Variants in ZBTB2 observed in about 807,000 individuals in gnomAD.
The protein encoded by ZBTB2 is zinc finger and BTB domain containing 2, also known as zinc finger and BTB domain-containing protein 2.
A neutral mutation model predicts 39.5 loss-of-function variants in ZBTB2; 2 were observed. The observed-to-expected ratio is 0.05, with a 90% confidence interval of 0.02 to 0.16. The LOEUF is 0.16. Among genes scored for constraint, ZBTB2 ranks in the 10% least tolerant of loss-of-function variants. The pLI is 1.00. For synonymous variants in ZBTB2, 251 were observed against 256.6 expected, an observed-to-expected ratio of 0.98 and a Z score of 0.21; for missense variants, 391 against 653.0, an observed-to-expected ratio of 0.60 and a Z score of 4.37.
At chr6:151,368,271 A>C (rs962142686) in intron 2 of ZBTB2, among the ~76,000 whole-genome samples, 1 of 151,694 alleles carries the variant, frequency 6.6e-6, no homozygotes, top group Non-Finnish European at 1.5e-5. Context: ...CTCAGCCTCC[A>C]GAGTAGCTGG....
intron 2 of ZBTB2, among the ~76,000 whole-genome samples, chr6:151,368,349 C>G (rs534347660): frequency 6.6e-6 from 1 of 152,262 alleles, no homozygotes; most frequent in South Asian, 2.1e-4. Context: ...CGGGGTTTCA[C>G]CATGTTAGCC....
intron 1 of ZBTB2, among the ~76,000 whole-genome samples, chr6:151,387,459 T>A (rs1172323932): frequency 1.3e-5 from 2 of 152,156 alleles, no homozygotes; most frequent in Non-Finnish European, 2.9e-5. Flanking sequence ...TCCTGGGGCT[T>A]CAAAAGGATC....
chr6:151,372,354 A>C (rs891929823), intron 2 of ZBTB2, among the ~76,000 whole-genome samples: 4 of 152,112 alleles, frequency 2.6e-5, no homozygotes, highest in African/African-American at 9.7e-5. Context: ...ACTGATAGGA[A>C]GAGTGTGGGA....
chr6:151,387,632 C>T (rs1311720504), intron 1 of ZBTB2, among the ~76,000 whole-genome samples: 3 of 152,206 alleles, frequency 2.0e-5, no homozygotes, highest in Admixed American at 1.3e-4. Flanking sequence ...TTTAAGAGAA[C>T]AGTACACTAA....
At chr6:151,373,154 CAAAAAAAAAAAAAAAAAAAAA>C (rs58019601) in intron 2 of ZBTB2, among the ~76,000 whole-genome samples, 13 of 27,854 alleles carry the variant, frequency 4.7e-4, no homozygotes, top group South Asian at 4.5e-3. Context: ...GACTCCGTCT[CAAAAAAAAAAAAAAAAAAAAA>C]AAAAAAAAAA....
rs1318616942 is a variant in ZBTB2, at chr6:151,364,302, CCTT to C, written c.*1216_*1218del. ...TGGCTCCTGTTTTGTCTTGTGAGGCCCTTCTTTTATTGGCCTAACGGAAGATTA... is the reference window on the plus strand; with the variant it reads ...TGGCTCCTGTTTTGTCTTGTGAGGCCCTTTTATTGGCCTAACGGAAGATTA... On this transcript the variant is annotated 3_prime_UTR_variant, in exon 3 of 3. Transcript: ENST00000325144. 4.6e-5 allele frequency: 7 copies of C among 152,524 alleles called. No individual in the cohort carries two copies. Among genetic ancestry groups the C allele is most frequent in the African/African-American group, 1.7e-4 (7 of 41,490 alleles). The allele number at this position is 152,524 out of a possible 1,614,324, so 9.4% of individuals were successfully genotyped here. A position where few individuals can be genotyped will look rare whatever the true frequency, so the allele number is the denominator to read the frequency against.
intron 1 of ZBTB2, among the ~76,000 whole-genome samples, chr6:151,385,775 A>G (rs1779137196): frequency 6.6e-6 from 1 of 152,206 alleles, no homozygotes; most frequent in African/African-American, 2.4e-5. Context: ...CTGATTTTTC[A>G]ATTACTATTA....
chr6:151,368,289 G>GGC (rs1410718519), intron 2 of ZBTB2, among the ~76,000 whole-genome samples: 1 of 152,038 alleles, frequency 6.6e-6, no homozygotes, highest in Non-Finnish European at 1.5e-5. Context: ...TGGGACTACA[G>GGC]GTGTCCGCCA....
Position 151,365,490 on chromosome 6 carries a change from A to C in ZBTB2, c.*31T>G. On this transcript the variant is annotated 3_prime_UTR_variant, in exon 3 of 3. Coordinates refer to ENST00000325144, the MANE Select transcript of ZBTB2 (RefSeq NM_020861.3). This position sits in a 1 kb window ranked among gnomAD's most constrained non-coding sequence, Gnocchi z 5.6. ...AGGGAGGGAAGATAGTCTTTGTAAA[A>C]ATGAGAGTTTTTTAAAAAGATAAGT... is the stretch of plus-strand genomic sequence containing the variant. 2 of 1,567,544 alleles carry C rather than the reference A, an allele frequency of 1.3e-6. No homozygotes were observed. Among genetic ancestry groups the C allele is most frequent in the South Asian group, 1.2e-5 (1 of 82,728 alleles).
At chr6:151,374,670 C>T (rs149135409) in intron 1 of ZBTB2, among the ~76,000 whole-genome samples, 1 of 151,982 alleles carries the variant, frequency 6.6e-6, no homozygotes, top group African/African-American at 2.4e-5. Context: ...TTCAACACAG[C>T]ACTGGAAGTT....
intron 2 of ZBTB2, among the ~76,000 whole-genome samples, chr6:151,372,554 C>T (rs1444655651): frequency 1.3e-5 from 2 of 152,022 alleles, no homozygotes; most frequent in African/African-American, 4.8e-5. Flanking sequence ...GGAGTGGGAA[C>T]TCCCAGCATG....
intron 2 of ZBTB2, among the ~76,000 whole-genome samples, chr6:151,370,528 C>T (rs955520956): frequency 1.3e-5 from 2 of 152,162 alleles, no homozygotes; most frequent in Admixed American, 6.5e-5. Flanking sequence ...TTAGCATTGT[C>T]AGAAGGTTGT....
Position 151,365,983 on chromosome 6 carries a change from C to G in ZBTB2, c.1083G>C (p.Arg361=), listed in dbSNP as rs1778637562. 6.2e-7 allele frequency: 1 copy of G among 1,614,188 alleles called. No homozygotes were observed. Among genetic ancestry groups the G allele is most frequent in the East Asian group, 2.2e-5 (1 of 44,878 alleles). ...QADQEREVKR[R]KYECTICGRK... ...GTCCACATATTGTGCACTCGTACTTCCGCCTCTTCACCTCCCTCTCCTGGT... is the reference window on the plus strand; with the variant it reads ...GTCCACATATTGTGCACTCGTACTTGCGCCTCTTCACCTCCCTCTCCTGGT... The change falls in exon 3 of 3, where the codon CGG becomes CGC. Residue 361 remains arginine, a synonymous_variant. Transcript: ENST00000325144. This position sits in a 1 kb window ranked among gnomAD's most constrained non-coding sequence, Gnocchi z 5.6.
At chr6:151,390,971 G>A (rs1346766244) in intron 1 of ZBTB2, among the ~76,000 whole-genome samples, 8 of 151,000 alleles carry the variant, frequency 5.3e-5, no homozygotes, top group Non-Finnish European at 4.4e-5. Flanking sequence ...GGAAGGGAGG[G>A]ACCGGCCACG....
intron 1 of ZBTB2, among the ~76,000 whole-genome samples, chr6:151,379,141 G>C (rs921711050): frequency 6.6e-6 from 1 of 152,132 alleles, no homozygotes; most frequent in African/African-American, 2.4e-5. Flanking sequence ...CAAAATGTGA[G>C]ATTTTTCTAT....
intron 1 of ZBTB2, among the ~76,000 whole-genome samples, chr6:151,375,984 A>T (rs1778900368): frequency 6.6e-6 from 1 of 152,224 alleles, no homozygotes; most frequent in Admixed American, 6.5e-5. Flanking sequence ...GGGACAGAGA[A>T]GTGAATTAAT....
chr6:151,391,085 C>T (rs1202973743), intron 1 of ZBTB2, among the ~76,000 whole-genome samples: 1 of 143,496 alleles, frequency 7.0e-6, no homozygotes, highest in African/African-American at 2.5e-5. Context: ...CCCACAAAAC[C>T]CCGGATGGAG....
At chr6:151,378,090 C>T (rs904699480) in intron 1 of ZBTB2, 9 of 152,170 alleles carry the variant, frequency 5.9e-5, no homozygotes, top group African/African-American at 2.2e-4. Flanking sequence ...TCACTATCTT[C>T]GCACCAGCCA....
chr6:151,380,741 T>G (rs933389119), intron 1 of ZBTB2, among the ~76,000 whole-genome samples: 3 of 152,232 alleles, frequency 2.0e-5, no homozygotes, highest in African/African-American at 7.2e-5. Context: ...CAGGCTGTTC[T>G]ATTTTAATCC....
Sources: gnomAD v4.1 joint callset for allele counts (sites outside exome capture counted in the v4.1 genomes callset) on GRCh38, gnomAD v4.1.1 for gene constraint, Gnocchi (gnomAD v3.1) non-coding constraint, MANE v1.5 for transcripts, NCBI Gene and HGNC (gene_info 2026-07-23, HGNC 2026-07-21) for gene names.